Variants in SDK2 observed in about 807,000 individuals in gnomAD.
The protein encoded by SDK2 is sidekick cell adhesion molecule 2, also known as protein sidekick-2.
Under a neutral mutation model 253.9 loss-of-function variants are expected in SDK2, and 105 were observed. The observed-to-expected ratio is 0.41, with a 90% confidence interval of 0.35 to 0.49. The LOEUF (loss-of-function observed/expected upper bound fraction) is 0.49. SDK2 is among the 20% of genes least tolerant of loss of function. The pLI is 0.06. For synonymous variants in SDK2, 1,249 were observed against 1,234.9 expected (o/e 1.01, Z -0.24); for missense variants, 2,608 against 3,003.0 (o/e 0.87, Z 3.07).
rs1453999274 is a variant in SDK2, at chr17:73,525,394, T to TTTACAGGAAGGCGACAAG, written c.65-17815_65-17798dup. Reference sequence around the variant, plus strand: ...CAAAGCCAGCAAGGGAAAGGGAGAGTTTACAGGAAGGCGACAAGTTACCGG... The same window carrying TTTACAGGAAGGCGACAAG: ...CAAAGCCAGCAAGGGAAAGGGAGAGTTTACAGGAAGGCGACAAGTTACAGGAAGGCGACAAGTTACCGG... On this transcript the variant is annotated intron_variant, in intron 1 of 44. Transcript: ENST00000392650. Among the ~76,000 whole-genome samples the TTTACAGGAAGGCGACAAG allele has an allele frequency of 2.6e-5, 4 of 151,364 alleles. No homozygotes were observed. In the East Asian group the frequency reaches 7.8e-4, roughly 30 times the overall value.
At chr17:73,522,496 T>G (rs2064089174) in intron 1 of SDK2, among the ~76,000 whole-genome samples, 1 of 152,226 alleles carries the variant, frequency 6.6e-6, no homozygotes, top group Admixed American at 6.5e-5. Flanking sequence ...GGGAACCAGC[T>G]GGGGTTCTCT....
chr17:73,382,407 T>C (rs556471743), intron 33 of SDK2, among the ~76,000 whole-genome samples: 14 of 152,240 alleles, frequency 9.2e-5, no homozygotes, highest in African/African-American at 3.1e-4. Context: ...GGAGGCTCTT[T>C]ATAAAAATCT....
At chr17:73,476,756 T>C (rs1048332786) in intron 2 of SDK2, among the ~76,000 whole-genome samples, 3 of 152,212 alleles carry the variant, frequency 2.0e-5, no homozygotes, top group Non-Finnish European at 2.9e-5. Context: ...TAGCGAGGAC[T>C]ATGTCTATTT....
rs79062725 is a variant in SDK2, at chr17:73,397,246, G to A, written c.3354+789C>T. On this transcript the variant is annotated intron_variant, in intron 24 of 44. Transcript: ENST00000392650. Reference sequence around the variant, plus strand: ...TCTTGTTTGCTCCACACGCCTCCTGGGATTGCTGCTCTGTGGGACACGTGC... The same window carrying A: ...TCTTGTTTGCTCCACACGCCTCCTGAGATTGCTGCTCTGTGGGACACGTGC... 3.1e-3 allele frequency among the ~76,000 whole-genome samples: 469 copies of A among 152,262 alleles called. 3 individuals are homozygous for A. The highest frequency in any genetic ancestry group is 0.011 in the African/African-American group (452 of 41,550).
At chr17:73,368,759 C>T (rs996414628) in intron 36 of SDK2, among the ~76,000 whole-genome samples, 166 bp from the exon 37 acceptor site, 16 of 152,138 alleles carry the variant, frequency 1.1e-4, no homozygotes, top group African/African-American at 2.4e-5. Context: ...CCTGTAATCC[C>T]AGCACTTTGG....
chr17:73,441,484 G>A (rs1431663084), intron 5 of SDK2, among the ~76,000 whole-genome samples: 3 of 152,138 alleles, frequency 2.0e-5, no homozygotes, highest in South Asian at 4.1e-4. Context: ...GATCCAATAC[G>A]ACTGGTGTCC....
At chr17:73,492,504 C>T (rs2063812554) in intron 2 of SDK2, among the ~76,000 whole-genome samples, 1 of 152,182 alleles carries the variant, frequency 6.6e-6, no homozygotes, top group Non-Finnish European at 1.5e-5. Flanking sequence ...CCTTCTCCAG[C>T]TGTCTGTGAG....
At chr17:73,580,691 A>G (rs2045522953) in intron 1 of SDK2, among the ~76,000 whole-genome samples, 1 of 152,288 alleles carries the variant, frequency 6.6e-6, no homozygotes, top group South Asian at 2.1e-4. Context: ...GAGCTACACA[A>G]AGAAGGAAAA....
At chr17:73,583,477 G>A (rs2045563068) in intron 1 of SDK2, among the ~76,000 whole-genome samples, 1 of 152,068 alleles carries the variant, frequency 6.6e-6, no homozygotes, top group South Asian at 2.1e-4. Flanking sequence ...CTAAGGCATG[G>A]CCAGCTCCCC....
At position 73,415,945 on chromosome 17, in the gene SDK2, G is replaced by A. The variant is rs538822605; in HGVS notation, c.2234C>T (p.Thr745Met). Reference sequence around the variant, plus strand: ...CAGCAGGTTGTTCACATCAGCATCCGTGATGTTCTTAAACTGGTACCCCAC... The same window carrying A: ...CAGCAGGTTGTTCACATCAGCATCCATGATGTTCTTAAACTGGTACCCCAC... Reference protein sequence around the residue: ...LPVGYQFKNITDADVNNLLLE... With the variant: ...LPVGYQFKNIMDADVNNLLLE... Residue 745 changes from threonine (T) to methionine (M), a missense_variant, in exon 17 of 45, where the codon ACG becomes ATG. By Grantham distance (81) the Thr-to-Met change is moderately conservative. Around this residue, in one of 2 missense-constraint regions of SDK2, gnomAD observed 1,505 missense variants for 1,859.1 expected, o/e 0.81. Transcript: ENST00000392650. The A allele has an allele frequency of 7.4e-5, 120 of 1,611,656 alleles. 1 individual carries two copies. The South Asian group carries it at 1.3e-3, about 17-fold the overall frequency.
In SDK2 at chr17:73,424,009, A is replaced by G. The variant is rs370368033; in HGVS notation, c.1667T>C (p.Ile556Thr). ...GATGTCTCCCGACCACGTCTGTGAG[A>G]TGTGCAGGGAGCCGTTTCTGTCCAG... ...IRLDRNGSLH[I>T]SQTWSGDIGT... The change falls in exon 13 of 45, where the codon ATC (isoleucine) becomes ACC (threonine). Residue 556 changes from isoleucine to threonine, a missense_variant. This residue lies in a region of SDK2 where 1,505 missense variants were observed against 1,859.1 expected (regional missense o/e 0.81). Coordinates refer to ENST00000392650, the MANE Select transcript of SDK2 (RefSeq NM_001144952.2). 2 of 1,612,190 alleles carry G rather than the reference A, an allele frequency of 1.2e-6. No individual in the cohort carries two copies. Among genetic ancestry groups the G allele is most frequent in the African/African-American group, 2.7e-5 (2 of 74,886 alleles).
chr17:73,422,944 C>T (rs1489329884), intron 14 of SDK2, among the ~76,000 whole-genome samples: 2 of 151,966 alleles, frequency 1.3e-5, no homozygotes, highest in South Asian at 2.1e-4. Context: ...TCACCTGAAC[C>T]CGGGAGGCAG....
chr17:73,390,558 C>A, intron 28 of SDK2, 77 bp from the exon 29 acceptor site: 1 of 1,421,326 alleles, frequency 7.0e-7, no homozygotes. Context: ...GTTGTTCCGT[C>A]CAAAGCCACA....
In SDK2 at chr17:73,423,535, C is replaced by T. The variant is rs369890852; in HGVS notation, c.1761-13G>A. The T allele has an allele frequency of 2.1e-5, 32 of 1,535,986 alleles. No individual in the cohort carries two copies. The African/African-American group carries it at 4.0e-4, about 19-fold the overall frequency. On this transcript the variant is annotated splice_polypyrimidine_tract_variant and intron_variant, in intron 13 of 44. Coordinates refer to ENST00000392650, the MANE Select transcript of SDK2 (RefSeq NM_001144952.2). ...GTGGGGCAGTTGCCTGGAAAAGAGA[C>T]ACGTGGTCAGGCATCCCTATGTGGT...
intron 4 of SDK2, among the ~76,000 whole-genome samples, chr17:73,454,620 G>C (rs1342082949): frequency 6.6e-6 from 1 of 152,198 alleles, no homozygotes; most frequent in Non-Finnish European, 1.5e-5. Flanking sequence ...GAAAGAGAGG[G>C]GATGTGTGTG....
At chr17:73,389,749 C>T (rs1329877768) in intron 29 of SDK2, among the ~76,000 whole-genome samples, 2 of 151,992 alleles carry the variant, frequency 1.3e-5, no homozygotes, top group Admixed American at 6.6e-5. Context: ...CTAACCCTCC[C>T]TTAATTAATT....
At chr17:73,527,960 A>G (rs2410771) in intron 1 of SDK2, among the ~76,000 whole-genome samples, 60,869 of 151,768 alleles carry the variant, frequency 0.4, 12,944 homozygotes, top group East Asian at 0.67. Context: ...GGTGGAACCA[A>G]GAAGACCTGT....
At position 73,383,472 on chromosome 17, in the gene SDK2, C is replaced by T. The variant is rs532603512; in HGVS notation, c.4705+404G>A. 2.6e-5 allele frequency among the ~76,000 whole-genome samples: 4 copies of T among 152,338 alleles called. No individual in the cohort carries two copies. In the South Asian group the frequency reaches 6.2e-4, roughly 24 times the overall value. ...GGGCAGGGTGCTCCTTCTCATGCAC[C>T]GGGCTGTCCCCGTCCCTTTGTCCTG... is the stretch of plus-strand genomic sequence containing the variant. On this transcript the variant is annotated intron_variant, in intron 33 of 44. Transcript: ENST00000392650. The surrounding 1 kb of genome is among the most constrained non-coding windows in gnomAD (Gnocchi z 4.3).
At chr17:73,384,344 C>T (rs2062855550) in intron 32 of SDK2, among the ~76,000 whole-genome samples, 1 of 152,168 alleles carries the variant, frequency 6.6e-6, no homozygotes. Context: ...TAGAGCCGCT[C>T]CTTGTTCACC....
Sources: gnomAD v4.1 joint callset for allele counts (sites outside exome capture counted in the v4.1 genomes callset) on GRCh38, gnomAD v4.1.1 for gene constraint, gnomAD v4.1.1 regional missense constraint, Gnocchi (gnomAD v3.1) non-coding constraint, MANE v1.5 for transcripts, NCBI Gene and HGNC (gene_info 2026-07-23, HGNC 2026-07-21) for gene names.